Variants in TRIM69 observed in about 807,000 individuals in gnomAD.
TRIM69 encodes tripartite motif containing 69.
TRIM69 carries 29 observed loss-of-function variants against 37.7 expected under a neutral mutation model. The observed-to-expected ratio is 0.77, with a 90% CI of 0.57 to 1.05. The LOEUF is 1.05. TRIM69 is among the 50% of genes least tolerant of loss of function. The pLI is 0.00. For missense variants in TRIM69, 596 were observed against 579.9 expected, an observed-to-expected ratio of 1.03 and a Z score of -0.28; for synonymous variants, 209 against 212.4, an observed-to-expected ratio of 0.98 and a Z score of 0.14.
chr15:44,762,521 G>A (rs1031922620), intron 6 of TRIM69, among the ~76,000 whole-genome samples: 6 of 151,880 alleles, frequency 4.0e-5, no homozygotes, highest in East Asian at 3.9e-4. Context: ...ATATTGTCAA[G>A]TTGTCTCATG....
At chr15:44,759,954 A>G (rs1273983803) in intron 6 of TRIM69, 82 bp downstream of exon 6, 1 of 1,510,534 alleles carries the variant, frequency 6.6e-7, no homozygotes, top group Non-Finnish European at 9.0e-7. Context: ...GCCCTAATTA[A>G]GTTTTTACAG....
intron 1 of TRIM69, among the ~76,000 whole-genome samples, chr15:44,751,611 C>G (rs2087533702): frequency 6.6e-6 from 1 of 152,110 alleles, no homozygotes; most frequent in African/African-American, 2.4e-5. Flanking sequence ...TAGCTTGTAC[C>G]TCTCTTTCCA....
intron 1 of TRIM69, among the ~76,000 whole-genome samples, chr15:44,742,008 C>T (rs1329670660): frequency 6.6e-6 from 1 of 152,134 alleles, no homozygotes; most frequent in African/African-American, 2.4e-5. Flanking sequence ...GGCAGAGACA[C>T]AACCAAAAGA....
intron 1 of TRIM69, among the ~76,000 whole-genome samples, chr15:44,748,142 T>C (rs1248265020): frequency 6.6e-6 from 1 of 152,248 alleles, no homozygotes; most frequent in East Asian, 1.9e-4. Context: ...GAGTAACCTC[T>C]GGACAAACTC....
intron 6 of TRIM69, among the ~76,000 whole-genome samples, chr15:44,761,611 C>T (rs751696463): frequency 7.9e-5 from 12 of 152,162 alleles, no homozygotes; most frequent in African/African-American, 1.9e-4. Flanking sequence ...ATTACAGGCG[C>T]GCACTGCCAT....
intron 1 of TRIM69, among the ~76,000 whole-genome samples, chr15:44,751,505 T>A (rs2087530748): frequency 6.6e-6 from 1 of 152,060 alleles, no homozygotes; most frequent in Admixed American, 6.6e-5. Context: ...GTTCAAGTGA[T>A]CCTTCTGCTT....
intron 6 of TRIM69, among the ~76,000 whole-genome samples, chr15:44,762,480 G>A (rs1039803779): frequency 1.3e-5 from 2 of 151,756 alleles, no homozygotes; most frequent in Non-Finnish European, 2.9e-5. Flanking sequence ...CTCCTTCTTG[G>A]AGTCTAATTT....
chr15:44,767,104 C>T (rs957518165), intron 6 of TRIM69, 127 bp from the exon 7 acceptor site: 2 of 213,506 alleles, frequency 9.4e-6, no homozygotes, highest in African/African-American at 5.4e-5. Flanking sequence ...TAATTGCTTG[C>T]CTGTCTAAGA....
rs117891825 is a variant in TRIM69, at chr15:44,755,352, C to T, written c.459C>T (p.Ile153=). ...GGCAGTCTAAGGAGTTCCTGCAAAT[C>T]TCTGATGCTGTCCATTTCTTCACGG... is the stretch of plus-strand genomic sequence containing the variant. ...SVGQSKEFLQ[I]SDAVHFFTEE... is the part of the protein sequence containing the mutation. Residue 153 remains isoleucine (I), a synonymous_variant, in exon 2 of 7, where the codon ATC becomes ATT. Transcript: ENST00000329464. 6.3e-4 allele frequency: 1,022 copies of T among 1,613,428 alleles called. 13 individuals carry two copies. The East Asian group carries it at 0.022, about 35-fold the overall frequency.
intron 1 of TRIM69, among the ~76,000 whole-genome samples, chr15:44,748,156 G>A (rs1480804374): frequency 6.6e-6 from 1 of 152,182 alleles, no homozygotes; most frequent in Non-Finnish European, 1.5e-5. Flanking sequence ...CAAACTCTCA[G>A]GGATTTTGCC....
intron 6 of TRIM69, among the ~76,000 whole-genome samples, chr15:44,765,685 C>G (rs191068304): frequency 6.6e-6 from 1 of 151,706 alleles, no homozygotes; most frequent in Non-Finnish European, 1.5e-5. Context: ...ACCCAGGAGG[C>G]GGAGGTTGCA....
intron 2 of TRIM69, 76 bp downstream of exon 2, chr15:44,755,452 C>T (rs1197049675): frequency 9.6e-7 from 1 of 1,043,206 alleles, no homozygotes; most frequent in Non-Finnish European, 1.4e-6. Flanking sequence ...TTCTTTCTTC[C>T]AACCCCATCC....
intron 1 of TRIM69, among the ~76,000 whole-genome samples, chr15:44,740,522 A>G (rs192443885): frequency 3.9e-5 from 6 of 152,334 alleles, no homozygotes; most frequent in Admixed American, 3.9e-4. Flanking sequence ...TAACCAATAC[A>G]GAGAAGTGCT....
chr15:44,762,920 ATTT>A (rs964345532), intron 6 of TRIM69, among the ~76,000 whole-genome samples: 1 of 151,754 alleles, frequency 6.6e-6, no homozygotes, highest in Admixed American at 6.6e-5. Flanking sequence ...AATGGGCTTT[ATTT>A]TTTAGGACAC....
intron 3 of TRIM69, 61 bp from the exon 4 acceptor site, chr15:44,758,560 G>GC: frequency 6.3e-7 from 1 of 1,593,182 alleles, no homozygotes; most frequent in Non-Finnish European, 8.6e-7. Context: ...GGTGGTGTGG[G>GC]CCCCCATCCC....
rs138309084 is a variant in TRIM69, at chr15:44,750,298, T to C, written c.7-4602T>C. 2.8e-3 allele frequency among the ~76,000 whole-genome samples: 432 copies of C among 152,320 alleles called. 6 individuals are homozygous for C. The highest frequency in any genetic ancestry group is 1.3e-3 in the Non-Finnish European group (87 of 68,020). Reference sequence around the variant, plus strand: ...AATTAGGAAGTGTTCCCTCTTGTTTTTTTGGAAGAGTTTGAGAAGGATTGA... The same window carrying C: ...AATTAGGAAGTGTTCCCTCTTGTTTCTTTGGAAGAGTTTGAGAAGGATTGA... On this transcript the variant is annotated intron_variant, in intron 1 of 6. Transcript: ENST00000329464.
chr15:44,767,750 T>C lies in TRIM69; in HGVS notation c.1481T>C (p.Leu494Ser). The C allele has an allele frequency of 6.2e-7, 1 of 1,612,694 alleles. No homozygotes were observed. The highest frequency in any genetic ancestry group is 1.1e-5 in the South Asian group (1 of 91,062). Reference sequence around the variant, plus strand: ...GATGGTGGAGAGAATAAAGAACCATTGCACATCTTACATCCACAGTAATGA... The same window carrying C: ...GATGGTGGAGAGAATAAAGAACCATCGCACATCTTACATCCACAGTAATGA... ...LNDGGENKEPLHILHPQ is the reference protein window; with the variant it reads ...LNDGGENKEPSHILHPQ The change falls in exon 7 of 7, where the codon TTG (leucine) becomes TCG (serine). Residue 494 changes from leucine (L) to serine (S), a missense_variant. Leu to Ser is a moderately radical substitution (Grantham distance 145). Coordinates refer to ENST00000329464, the MANE Select transcript of TRIM69 (RefSeq NM_182985.5).
intron 3 of TRIM69, chr15:44,757,383 G>C (rs1020615187): frequency 1.3e-5 from 2 of 152,146 alleles, no homozygotes; most frequent in African/African-American, 2.4e-5. Flanking sequence ...AATCTAGACT[G>C]GGGGAGGGGT....
At position 44,758,821 on chromosome 15, in the gene TRIM69, G is replaced by T; in HGVS notation, c.780G>T (p.Lys260Asn). 6.2e-7 allele frequency: 1 copy of T among 1,613,986 alleles called. No homozygotes were observed. Among genetic ancestry groups the T allele is most frequent in the Non-Finnish European group, 8.5e-7 (1 of 1,179,962 alleles). Reference protein sequence around the residue: ...AKDMLVSIQAKTEQQNSFDFL... With the variant: ...AKDMLVSIQANTEQQNSFDFL... ...ATATGTTGGTGAGCATTCAGGCAAA[G>T]ACGGAACAACAGAACTCCTTCGACT... The change falls in exon 4 of 7, where the codon AAG becomes AAT. Residue 260 changes from lysine (K) to asparagine (N), a missense_variant. Physicochemically the swap from Lys to Asn is moderately conservative, Grantham distance 94. Transcript: ENST00000329464.
Sources: allele counts gnomAD v4.1 joint callset (sites outside exome capture counted in the v4.1 genomes callset), GRCh38; gene constraint gnomAD v4.1.1; transcripts MANE v1.5; gene names NCBI Gene and HGNC (gene_info 2026-07-23, HGNC 2026-07-21).